The following ARPP21 variants were observed in gnomAD, a reference collection of about 807,000 sequenced individuals.
The protein encoded by ARPP21 is cAMP regulated phosphoprotein 21, also known as cAMP-regulated phosphoprotein 21.
In ARPP21, 69 loss-of-function variants were observed where a neutral mutation model predicts 113.2. The observed-to-expected ratio is 0.61, with a 90% CI of 0.50 to 0.74. The LOEUF (loss-of-function observed/expected upper bound fraction) is 0.74, where lower values mean the gene tolerates loss of function less well. ARPP21 is among the 30% of genes least tolerant of loss of function. The probability of loss-of-function intolerance (pLI) is 0.00; values close to 1 mark genes in which losing one functional copy is unlikely to be tolerated. For synonymous variants in ARPP21, 368 were observed against 375.5 expected (o/e 0.98, Z 0.23); for missense variants, 1,070 against 1,037.4 (o/e 1.03, Z -0.43).
intron 9 of ARPP21, among the ~76,000 whole-genome samples, chr3:35,706,409 A>G (rs1266863265): frequency 6.6e-6 from 1 of 152,202 alleles, no homozygotes; most frequent in African/African-American, 2.4e-5. Flanking sequence ...CAATTACTGA[A>G]CCGATTTACA....
intron 1 of ARPP21, among the ~76,000 whole-genome samples, chr3:35,677,387 A>G (rs186701163): frequency 2.0e-5 from 3 of 151,890 alleles, no homozygotes; most frequent in African/African-American, 7.2e-5. Flanking sequence ...TGTTCTCCCT[A>G]CCTTTCTTCC....
At chr3:35,738,168 A>T in intron 16 of ARPP21, 46 bp from the exon 17 acceptor site, 2 of 1,251,930 alleles carry the variant, frequency 1.6e-6, no homozygotes, top group Non-Finnish European at 2.3e-6. Flanking sequence ...TGAGATTTCA[A>T]CCCCAGTGCT....
Position 35,794,054 on chromosome 3 carries a change from C to A in ARPP21, c.*96C>A. On this transcript the variant is annotated 3_prime_UTR_variant, in exon 21 of 21. Coordinates refer to ENST00000684406, the MANE Select transcript of ARPP21 (RefSeq NM_001385562.1). Reference sequence around the variant, plus strand: ...AACTGGCTGAGGACTTAAGTATTCACTCAACACTCAAATGATTGCTGCTGG... The same window carrying A: ...AACTGGCTGAGGACTTAAGTATTCAATCAACACTCAAATGATTGCTGCTGG... The A allele has an allele frequency of 9.6e-7, 1 of 1,042,138 alleles. No homozygotes were observed. Among genetic ancestry groups the A allele is most frequent in the Non-Finnish European group, 1.4e-6 (1 of 705,736 alleles). The allele number at this position is 1,042,138 out of a possible 1,614,324, so 64.6% of individuals were successfully genotyped here. A position where few individuals can be genotyped will look rare whatever the true frequency, so the allele number is the denominator to read the frequency against.
intron 19 of ARPP21, chr3:35,774,813 G>A (rs2096305931): frequency 6.6e-6 from 1 of 152,150 alleles, no homozygotes; most frequent in African/African-American, 2.4e-5. Flanking sequence ...GCTAGGTACA[G>A]TTAACTAGAA....
chr3:35,670,612 T>C (rs544391214), intron 1 of ARPP21, among the ~76,000 whole-genome samples: 1 of 152,130 alleles, frequency 6.6e-6, no homozygotes, highest in Admixed American at 6.5e-5. Flanking sequence ...TGGAGTCCGA[T>C]CAGCATTGCC....
intron 5 of ARPP21, among the ~76,000 whole-genome samples, chr3:35,687,303 T>A (rs1417695629): frequency 6.6e-6 from 1 of 151,280 alleles, no homozygotes; most frequent in Non-Finnish European, 1.5e-5. Context: ...GTAATTATGA[T>A]TCCTAGTATA....
At chr3:35,666,883 C>T (rs1300279658) in intron 1 of ARPP21, among the ~76,000 whole-genome samples, 1 of 152,162 alleles carries the variant, frequency 6.6e-6, no homozygotes, top group African/African-American at 2.4e-5. Flanking sequence ...AATAAACATG[C>T]AACCTCAACT....
At chr3:35,744,639 G>A (rs1377831197) in intron 19 of ARPP21, 1 of 377,702 alleles carries the variant, frequency 2.6e-6, no homozygotes, top group Non-Finnish European at 5.5e-6. Flanking sequence ...GGAGAGGTTT[G>A]TGTCATTCCT....
Position 35,743,921 on chromosome 3 carries a change from A to G in ARPP21, c.2093A>G (p.Asn698Ser), listed in dbSNP as rs780109884. 3.7e-6 allele frequency: 6 copies of G among 1,614,160 alleles called. No individual in the cohort carries two copies. The highest frequency in any genetic ancestry group is 1.7e-5 in the Admixed American group (1 of 60,032). The change falls in exon 19 of 21, where the codon AAC becomes AGC. Residue 698 changes from asparagine to serine, a missense_variant. Asn to Ser is a conservative substitution (Grantham distance 46, BLOSUM62 1). Coordinates refer to ENST00000684406, the MANE Select transcript of ARPP21 (RefSeq NM_001385562.1). ...CGGCCCATGGCCCCGGTTCAGTACA[A>G]CGCTCAGAGGAGTCAACAGATGCCA... The part of the protein sequence containing the change: ...QYRPMAPVQY[N>S]AQRSQQMPQA...
chr3:35,725,985 A>G (rs2093504811), intron 14 of ARPP21, among the ~76,000 whole-genome samples: 1 of 152,208 alleles, frequency 6.6e-6, no homozygotes, highest in Admixed American at 6.5e-5. Context: ...TGTGGAGTCA[A>G]GTTGCCTGGG....
At chr3:35,786,345 A>G (rs984856411) in intron 19 of ARPP21, among the ~76,000 whole-genome samples, 1 of 152,014 alleles carries the variant, frequency 6.6e-6, no homozygotes, top group African/African-American at 2.4e-5. Context: ...AACATGGTGA[A>G]ACTCCATCTC....
At chr3:35,645,959 C>T (rs552514356) in intron 1 of ARPP21, among the ~76,000 whole-genome samples, 22 of 152,026 alleles carry the variant, frequency 1.4e-4, no homozygotes, top group African/African-American at 5.1e-4. Flanking sequence ...CTTTAAAGAA[C>T]AAAATTGAAC....
At chr3:35,666,219 G>C (rs969977708) in intron 1 of ARPP21, among the ~76,000 whole-genome samples, 1 of 152,014 alleles carries the variant, frequency 6.6e-6, no homozygotes, top group Non-Finnish European at 1.5e-5. Flanking sequence ...TCTTTAAATG[G>C]AGTTATAGGG....
At chr3:35,653,068 A>G (rs1221002096) in intron 1 of ARPP21, among the ~76,000 whole-genome samples, 1 of 152,060 alleles carries the variant, frequency 6.6e-6, no homozygotes, top group Admixed American at 6.6e-5. Flanking sequence ...ATCAAAAGCT[A>G]CATGTGGCAT....
At chr3:35,778,780 T>C (rs2096453114) in intron 19 of ARPP21, among the ~76,000 whole-genome samples, 1 of 152,200 alleles carries the variant, frequency 6.6e-6, no homozygotes, top group Non-Finnish European at 1.5e-5. Flanking sequence ...TTCACTTTTA[T>C]CTTCTATAAA....
intron 9 of ARPP21, among the ~76,000 whole-genome samples, chr3:35,698,528 G>T (rs1278552426): frequency 1.3e-5 from 2 of 151,440 alleles, no homozygotes; most frequent in Non-Finnish European, 3.0e-5. Context: ...TGACATCCTA[G>T]GTAGATAAAG....
chr3:35,768,508 C>G (rs139763642), intron 19 of ARPP21, among the ~76,000 whole-genome samples: 1 of 151,908 alleles, frequency 6.6e-6, no homozygotes, highest in Non-Finnish European at 1.5e-5. Flanking sequence ...TAAAAATAAC[C>G]GATATTTGAT....
At chr3:35,693,443 G>A (rs889646023) in intron 9 of ARPP21, among the ~76,000 whole-genome samples, 2 of 151,516 alleles carry the variant, frequency 1.3e-5, no homozygotes, top group African/African-American at 2.4e-5. Context: ...CTTGAGGTGG[G>A]GGTGGATAAC....
At chr3:35,654,950 C>A (rs1039042804) in intron 1 of ARPP21, among the ~76,000 whole-genome samples, 2 of 151,742 alleles carry the variant, frequency 1.3e-5, no homozygotes, top group African/African-American at 2.4e-5. Flanking sequence ...AACTAACAAC[C>A]AAAATAATTT....
Sources: allele counts gnomAD v4.1 joint callset (sites outside exome capture counted in the v4.1 genomes callset), GRCh38; gene constraint gnomAD v4.1.1; transcripts MANE v1.5; gene names NCBI Gene and HGNC (gene_info 2026-07-23, HGNC 2026-07-21).